Variants in GATB observed in about 807,000 individuals in gnomAD.
The protein encoded by GATB is glutamyl-tRNA(Gln) amidotransferase subunit B, mitochondrial.
GATB carries 39 observed loss-of-function variants against 62.3 expected under a neutral mutation model. That is an observed-to-expected ratio of 0.63 (90% CI 0.48 to 0.82). The LOEUF is 0.82. Ranked by LOEUF, GATB falls within the 40% of genes least tolerant of loss-of-function variation. GATB has a pLI of 0.00. For missense variants in GATB, 670 were observed against 684.0 expected, an observed-to-expected ratio of 0.98 and a Z score of 0.23; for synonymous variants, 276 against 258.9, an observed-to-expected ratio of 1.07 and a Z score of -0.63.
chr4:151,688,520 G>A (rs1738297135), intron 10 of GATB, 110 bp downstream of exon 10: 6 of 1,022,958 alleles, frequency 5.9e-6, no homozygotes, highest in Non-Finnish European at 8.7e-6. Context: ...TGTCATGTCA[G>A]GATATCCTGA....
intron 2 of GATB, among the ~76,000 whole-genome samples, chr4:151,744,518 G>A (rs560039667): frequency 6.6e-6 from 1 of 152,158 alleles, no homozygotes; most frequent in Non-Finnish European, 1.5e-5. Flanking sequence ...GCGAGGTGGA[G>A]GCAGGAGGAC....
At chr4:151,684,910 A>G (rs1288236309) in intron 10 of GATB, among the ~76,000 whole-genome samples, 2 of 152,184 alleles carry the variant, frequency 1.3e-5, no homozygotes, top group Non-Finnish European at 2.9e-5. Context: ...GAGGCCACCA[A>G]AATGACTGTT....
intron 2 of GATB, among the ~76,000 whole-genome samples, chr4:151,736,083 G>C (rs1739367924): frequency 2.0e-5 from 3 of 152,084 alleles, no homozygotes. Flanking sequence ...ATTCACTGCT[G>C]CTGAAAATCA....
intron 5 of GATB, among the ~76,000 whole-genome samples, chr4:151,710,077 A>G (rs899288713): frequency 6.6e-6 from 1 of 152,152 alleles, no homozygotes; most frequent in East Asian, 1.9e-4. Context: ...CTCCTCAGCA[A>G]GCTGGCCTGC....
chr4:151,759,649 A>C (rs1370818287), intron 1 of GATB, among the ~76,000 whole-genome samples: 2 of 152,264 alleles, frequency 1.3e-5, no homozygotes, highest in Non-Finnish European at 2.9e-5. Flanking sequence ...GTTAAATGCT[A>C]TAATAATCTC....
At chr4:151,715,961 A>C in intron 5 of GATB, 48 bp downstream of exon 5, 2 of 1,596,034 alleles carry the variant, frequency 1.3e-6, no homozygotes, top group Non-Finnish European at 1.7e-6. Flanking sequence ...AGGTTCTAGA[A>C]GGCAGGAAGG....
At chr4:151,741,549 G>A (rs1739488240) in intron 2 of GATB, among the ~76,000 whole-genome samples, 3 of 152,218 alleles carry the variant, frequency 2.0e-5, no homozygotes, top group Non-Finnish European at 4.4e-5. Context: ...GAATGAATTT[G>A]TGGGGAGATG....
At position 151,687,529 on chromosome 4, in the gene GATB, C is replaced by T. The variant is rs533027271; in HGVS notation, c.1331+1101G>A. On this transcript the variant is annotated intron_variant, in intron 10 of 12. Transcript: ENST00000263985. ...CCTGGGGCATTTCTCATCCGCATTC[C>T]TGAAAGAGGTTCCCAAATGGAATTC... is the stretch of plus-strand genomic sequence containing the variant. Among the ~76,000 whole-genome samples the T allele has an allele frequency of 2.1e-3, 314 of 152,386 alleles. 1 individual carries two copies. Among genetic ancestry groups the T allele is most frequent in the Admixed American group, 3.7e-3 (57 of 15,310 alleles).
At chr4:151,689,342 A>C (rs1453363090) in intron 9 of GATB, among the ~76,000 whole-genome samples, 1 of 152,224 alleles carries the variant, frequency 6.6e-6, no homozygotes, top group African/African-American at 2.4e-5. Flanking sequence ...AAAGTGAGGG[A>C]GAACATGGGC....
At chr4:151,733,110 C>G (rs191826926) in intron 2 of GATB, among the ~76,000 whole-genome samples, 658 of 151,904 alleles carry the variant, frequency 4.3e-3, no homozygotes, top group Non-Finnish European at 7.5e-3. Context: ...AGAAAAATAA[C>G]CAAGATCAGA....
At chr4:151,728,181 C>T (rs1287017597) in intron 2 of GATB, among the ~76,000 whole-genome samples, 2 of 151,992 alleles carry the variant, frequency 1.3e-5, no homozygotes, top group Non-Finnish European at 2.9e-5. Flanking sequence ...CTTCCCATGG[C>T]CAAAAAAAGC....
rs1443258791 is a variant in GATB, at chr4:151,758,921, C to A, written c.178G>T (p.Glu60Ter). 6.3e-7 allele frequency: 1 copy of A among 1,597,376 alleles called. No homozygotes were observed. The highest frequency in any genetic ancestry group is 8.5e-7 in the Non-Finnish European group (1 of 1,172,754). ...CCTACCACAGCAGCCCATTTGTGTT[C>A]ACTAAGAAGAAAGAGATAATGGTTA... The part of the protein sequence containing the change: ...LHTAQKTRKG[E>*]HKWAAVVGLE... Residue 60 changes from glutamate to a stop codon, truncating the protein, a stop_gained and splice_region_variant, in exon 2 of 13, where the codon GAA becomes TAA. Transcript: ENST00000263985. LOFTEE classifies it high-confidence loss of function.
intron 1 of GATB, 30 bp from the exon 2 acceptor site, chr4:151,758,952 T>C (rs764658117): frequency 6.6e-7 from 1 of 1,516,380 alleles, no homozygotes; most frequent in Non-Finnish European, 8.9e-7. Context: ...GGTTAAGATG[T>C]ATTATATTTG....
chr4:151,682,573 GA>G (rs1428593819), intron 10 of GATB, among the ~76,000 whole-genome samples: 1 of 152,048 alleles, frequency 6.6e-6, no homozygotes, highest in African/African-American at 2.4e-5. Context: ...CAGAGGAGGG[GA>G]AAGGGGCTCT....
chr4:151,700,464 T>C (rs1401892180), intron 9 of GATB, among the ~76,000 whole-genome samples: 1 of 152,194 alleles, frequency 6.6e-6, no homozygotes, highest in Non-Finnish European at 1.5e-5. Context: ...AATGCTAGGA[T>C]GTTGTTATTG....
At chr4:151,697,633 T>A (rs1738495141) in intron 9 of GATB, among the ~76,000 whole-genome samples, 1 of 149,924 alleles carries the variant, frequency 6.7e-6, no homozygotes. Context: ...AATTTTATAA[T>A]CATAAATATT....
chr4:151,681,005 A>G (rs1367881372), intron 10 of GATB, among the ~76,000 whole-genome samples: 2 of 152,260 alleles, frequency 1.3e-5, no homozygotes, highest in African/African-American at 4.8e-5. Context: ...TCAATAGCAC[A>G]TTAGTGTTAC....
chr4:151,680,371 G>C (rs937203057), intron 10 of GATB, among the ~76,000 whole-genome samples: 1 of 151,820 alleles, frequency 6.6e-6, no homozygotes, highest in Non-Finnish European at 1.5e-5. Context: ...TTCTGCAAGG[G>C]AACACAATGA....
chr4:151,731,899 CAT>C (rs1739264563), intron 2 of GATB, among the ~76,000 whole-genome samples: 4 of 150,000 alleles, frequency 2.7e-5, no homozygotes, highest in South Asian at 2.1e-4. Flanking sequence ...GCAGCCGCCC[CAT>C]CCGGGAGGGA....
Sources: allele counts gnomAD v4.1 joint callset (sites outside exome capture counted in the v4.1 genomes callset), GRCh38; gene constraint gnomAD v4.1.1; transcripts MANE v1.5; gene names NCBI Gene and HGNC (gene_info 2026-07-23, HGNC 2026-07-21).